Variants in VRK2 observed in about 807,000 individuals in gnomAD.
VRK2 encodes serine/threonine-protein kinase VRK2.
VRK2 carries 60 observed loss-of-function variants against 57.6 expected under a neutral mutation model. The observed-to-expected ratio is 1.04, with a 90% CI of 0.85 to 1.29. The LOEUF is 1.29. VRK2 is among the 50% of genes most tolerant of loss of function. VRK2 has a pLI of 0.00. For missense variants in VRK2, 705 were observed against 588.1 expected (o/e 1.20, Z -2.06); for synonymous variants, 231 against 199.2 (o/e 1.16, Z -1.35).
At chr2:57,934,766 T>C (rs2103941150) in intron 1 of VRK2, among the ~76,000 whole-genome samples, 1 of 152,226 alleles carries the variant, frequency 6.6e-6, no homozygotes, top group South Asian at 2.1e-4. Context: ...TTCTCATTCT[T>C]TTTTTTCTTT....
intron 1 of VRK2, among the ~76,000 whole-genome samples, chr2:57,917,489 A>C (rs893353458): frequency 6.6e-6 from 1 of 150,616 alleles, no homozygotes; most frequent in African/African-American, 2.4e-5. Flanking sequence ...CTCATTATGC[A>C]TGTGAGAGCA....
intron 9 of VRK2, among the ~76,000 whole-genome samples, chr2:58,132,241 T>C (rs924388922): frequency 9.9e-5 from 15 of 152,220 alleles, no homozygotes; most frequent in African/African-American, 3.6e-4. Flanking sequence ...CAAATTAGCA[T>C]TGTACAAGTA....
chr2:58,119,885 G>A (rs1677158782), intron 7 of VRK2, among the ~76,000 whole-genome samples: 1 of 151,782 alleles, frequency 6.6e-6, no homozygotes, highest in Admixed American at 6.6e-5. Context: ...GGGGATGGAT[G>A]GTTGTTCATT....
chr2:58,087,460 A>C (rs1164457423), intron 5 of VRK2, among the ~76,000 whole-genome samples: 2 of 152,266 alleles, frequency 1.3e-5, no homozygotes, highest in East Asian at 3.9e-4. Context: ...AAAAAGTAAG[A>C]TGGAGAAAAT....
intron 2 of VRK2, among the ~76,000 whole-genome samples, chr2:58,030,191 C>T (rs1674069858): frequency 6.6e-6 from 1 of 152,074 alleles, no homozygotes; most frequent in African/African-American, 2.4e-5. Context: ...AATTAATATG[C>T]ACACATATTG....
intron 7 of VRK2, among the ~76,000 whole-genome samples, chr2:58,099,756 T>C (rs952093408): frequency 6.6e-6 from 1 of 152,060 alleles, no homozygotes; most frequent in African/African-American, 2.4e-5. Flanking sequence ...GCGATTGTGG[T>C]GGACTAAGAG....
At chr2:58,137,328 G>A (rs1278699835) in intron 10 of VRK2, among the ~76,000 whole-genome samples, 2 of 149,426 alleles carry the variant, frequency 1.3e-5, no homozygotes, top group Non-Finnish European at 3.0e-5. Flanking sequence ...GAACTGTTCA[G>A]TTTAGGGTAA....
intron 1 of VRK2, among the ~76,000 whole-genome samples, chr2:58,025,466 G>C (rs974759712): frequency 3.9e-5 from 6 of 152,118 alleles, no homozygotes; most frequent in African/African-American, 1.4e-4. Flanking sequence ...CAAAGGAAGA[G>C]AATCATAGGC....
chr2:58,031,738 C>T (rs1674116165), intron 2 of VRK2, among the ~76,000 whole-genome samples: 1 of 151,990 alleles, frequency 6.6e-6, no homozygotes, highest in East Asian at 1.9e-4. Context: ...CTCATAGCTA[C>T]CTCTGGATTG....
At chr2:57,922,926 A>G (rs1192570329) in intron 1 of VRK2, among the ~76,000 whole-genome samples, 1 of 151,896 alleles carries the variant, frequency 6.6e-6, no homozygotes, top group Non-Finnish European at 1.5e-5. Flanking sequence ...CCATGAGTTC[A>G]ATTGTTTTAA....
intron 2 of VRK2, among the ~76,000 whole-genome samples, chr2:58,077,394 T>C (rs913115926): frequency 6.6e-6 from 1 of 152,078 alleles, no homozygotes; most frequent in Non-Finnish European, 1.5e-5. Flanking sequence ...TCCTAATTGA[T>C]TGACCAGTCT....
In VRK2 at chr2:58,080,212, G is replaced by A. The variant is rs895212721; in HGVS notation, c.137-3877G>A. On this transcript the variant is annotated intron_variant, in intron 2 of 12. Coordinates refer to ENST00000340157, the MANE Select transcript of VRK2 (RefSeq NM_006296.7). ...TAGTATTCAGTCCTATCTATTTTCT[G>A]ATTTCCATTGTGATTTCCTTTTTCC... Among the ~76,000 whole-genome samples, 3 of 151,816 alleles carry A rather than the reference G, an allele frequency of 2.0e-5. No individual in the cohort carries two copies. The South Asian group carries it at 6.2e-4, about 31-fold the overall frequency.
upstream of VRK2, among the ~76,000 whole-genome samples, chr2:58,045,737 G>C (rs1167791683): frequency 1.3e-5 from 2 of 151,614 alleles, no homozygotes; most frequent in Admixed American, 1.3e-4. Flanking sequence ...TTCAGTATTT[G>C]TATCCCAACC....
intron 2 of VRK2, among the ~76,000 whole-genome samples, chr2:58,026,176 G>A (rs1673918365): frequency 6.6e-6 from 1 of 152,004 alleles, no homozygotes; most frequent in Non-Finnish European, 1.5e-5. Context: ...AAATTGCCTA[G>A]CACATTGTCC....
At chr2:58,127,110 G>A (rs979393097) in intron 8 of VRK2, among the ~76,000 whole-genome samples, 27 of 151,818 alleles carry the variant, frequency 1.8e-4, no homozygotes, top group Non-Finnish European at 3.1e-4. Flanking sequence ...TATCTAATAT[G>A]TTTAGTATCA....
intron 7 of VRK2, among the ~76,000 whole-genome samples, chr2:58,116,825 C>T (rs1333912797): frequency 6.6e-6 from 1 of 152,172 alleles, no homozygotes; most frequent in East Asian, 1.9e-4. Context: ...AGGAGGAATC[C>T]TGGGCTGCAG....
In VRK2 at chr2:58,146,490, G is replaced by T; in HGVS notation, c.1182+16G>T. 6.3e-7 allele frequency: 1 copy of T among 1,598,234 alleles called. No individual in the cohort carries two copies. On this transcript the variant is annotated intron_variant, in intron 12 of 12. Transcript: ENST00000340157. ...AGCAGCTCAGGTGAGAGGGTTGTTTGTGTGTGTTTTTTCTAACTTAATGTT... is the reference window on the plus strand; with the variant it reads ...AGCAGCTCAGGTGAGAGGGTTGTTTTTGTGTGTTTTTTCTAACTTAATGTT...
intron 8 of VRK2, 133 bp from the exon 9 acceptor site, chr2:58,131,675 C>A: frequency 8.9e-7 from 1 of 1,125,306 alleles, no homozygotes; most frequent in Non-Finnish European, 1.2e-6. Flanking sequence ...AAGTTTTATT[C>A]CAGCTGAACA....
At chr2:58,047,511 G>T in intron 1 of VRK2, 1 of 955,508 alleles carries the variant, frequency 1.0e-6, no homozygotes, top group Non-Finnish European at 1.2e-6. Flanking sequence ...CAAGCCCTGA[G>T]GCCGCTGCCT....
Sources: allele counts gnomAD v4.1 joint callset (sites outside exome capture counted in the v4.1 genomes callset), GRCh38; gene constraint gnomAD v4.1.1; transcripts MANE v1.5; gene names NCBI Gene and HGNC (gene_info 2026-07-23, HGNC 2026-07-21).